Variants in CDH4 observed in about 807,000 individuals in gnomAD.
The protein encoded by CDH4 is cadherin 4, also known as cadherin-4.
Under a neutral mutation model 86.0 loss-of-function variants are expected in CDH4, and 33 were observed. The observed-to-expected ratio is 0.38, with a 90% CI of 0.29 to 0.51. The LOEUF (loss-of-function observed/expected upper bound fraction) is 0.51, where lower values mean the gene tolerates loss of function less well. Among genes scored for constraint, CDH4 ranks in the 20% least tolerant of loss-of-function variants. The pLI, the probability that CDH4 is intolerant of heterozygous loss-of-function variation, is 0.86. For missense variants in CDH4, 1,114 were observed against 1,307.4 expected, an observed-to-expected ratio of 0.85 and a Z score of 2.28; for synonymous variants, 555 against 549.4, an observed-to-expected ratio of 1.01 and a Z score of -0.14.
chr20:61,932,095 C>T (rs1366496555), intron 13 of CDH4, among the ~76,000 whole-genome samples: 2 of 152,144 alleles, frequency 1.3e-5, no homozygotes, highest in Admixed American at 6.5e-5. Context: ...AGTCCATCTC[C>T]CTCTCTCAGT....
chr20:61,587,974 A>C (rs181416053), intron 2 of CDH4, among the ~76,000 whole-genome samples: 1 of 152,292 alleles, frequency 6.6e-6, no homozygotes, highest in East Asian at 1.9e-4. Context: ...CTGTGTGGCT[A>C]AAAATGTCTG....
intron 2 of CDH4, among the ~76,000 whole-genome samples, chr20:61,429,764 T>C (rs2085235371): frequency 2.0e-5 from 3 of 149,778 alleles, no homozygotes; most frequent in Admixed American, 2.0e-4. Flanking sequence ...TGTGGATGGA[T>C]GGATGGATGG....
chr20:61,917,622 C>G (rs1469188184), intron 9 of CDH4, among the ~76,000 whole-genome samples: 1 of 152,208 alleles, frequency 6.6e-6, no homozygotes, highest in African/African-American at 2.4e-5. Flanking sequence ...GCAGGGCAGA[C>G]GTCCTGGTGT....
chr20:61,257,249 C>A (rs1044359763), intron 2 of CDH4, among the ~76,000 whole-genome samples: 6 of 152,214 alleles, frequency 3.9e-5, no homozygotes, highest in African/African-American at 1.4e-4. Context: ...CAGCTCACAG[C>A]AGCCCCAAAC....
intron 2 of CDH4, among the ~76,000 whole-genome samples, chr20:61,286,201 G>C (rs1226279925): frequency 1.3e-5 from 2 of 152,234 alleles, no homozygotes; most frequent in South Asian, 2.1e-4. Context: ...CAGACTCCCA[G>C]ATCTGGCCCC....
In CDH4 at chr20:61,392,202, A is replaced by AGT. The variant is rs1272512764; in HGVS notation, c.169+137269_169+137270dup. Among the ~76,000 whole-genome samples the AGT allele has an allele frequency of 6.6e-6, 1 of 151,710 alleles. No individual in the cohort carries two copies. Among genetic ancestry groups the AGT allele is most frequent in the East Asian group, 2.0e-4 (1 of 5,114 alleles). ...GGACTCCTCCAGTGGTTTAACGTGC[A>AGT]GTGTGAGTGGCCTTAACACGGGACC... On this transcript the variant is annotated intron_variant, in intron 2 of 15. Transcript: ENST00000614565. This position sits in a 1 kb window ranked among gnomAD's most constrained non-coding sequence, Gnocchi z 5.7.
chr20:61,923,636 G>A lies in CDH4; in HGVS notation c.1560G>A (p.Val520=), dbSNP rs1340123084. ...NHKLIRLEEG[V]PPGTVLTTFS... is the part of the protein sequence containing the mutation. ...AGCTGATCCGCCTGGAGGAGGGCGT[G>A]CCCCCCGGCACCGTGCTGACCACGT... is the stretch of plus-strand genomic sequence containing the variant. Residue 520 remains valine (V), a synonymous_variant, in exon 10 of 16, where the codon GTG becomes GTA. Coordinates refer to ENST00000614565, the MANE Select transcript of CDH4 (RefSeq NM_001794.5). 3.1e-6 allele frequency: 5 copies of A among 1,614,082 alleles called. No homozygotes were observed. Among genetic ancestry groups the A allele is most frequent in the African/African-American group, 2.7e-5 (2 of 75,044 alleles).
chr20:61,595,792 G>T (rs1345203259), intron 2 of CDH4, among the ~76,000 whole-genome samples: 2 of 152,166 alleles, frequency 1.3e-5, no homozygotes, highest in African/African-American at 4.8e-5. Flanking sequence ...ACTACATTTT[G>T]GGAGCACGTG....
At chr20:61,379,162 T>C (rs1301924824) in intron 2 of CDH4, among the ~76,000 whole-genome samples, 1 of 152,120 alleles carries the variant, frequency 6.6e-6, no homozygotes, top group Non-Finnish European at 1.5e-5. Context: ...GTGTAATTCC[T>C]CTTAACAGAC....
intron 2 of CDH4, among the ~76,000 whole-genome samples, chr20:61,444,200 CTG>C (rs1408023753): frequency 2.2e-5 from 1 of 45,952 alleles, no homozygotes; most frequent in Non-Finnish European, 5.1e-5. Context: ...ATGTGGGTGT[CTG>C]TGTATCTGTA....
chr20:61,835,930 C>T (rs1981851187), intron 4 of CDH4, among the ~76,000 whole-genome samples: 1 of 152,204 alleles, frequency 6.6e-6, no homozygotes, highest in Non-Finnish European at 1.5e-5. Context: ...CACCTGCAAA[C>T]TCCGACTGTC....
At position 61,684,690 on chromosome 20, in the gene CDH4, G is replaced by A. The variant is rs1428867212; in HGVS notation, c.170-58873G>A. 4.6e-5 allele frequency among the ~76,000 whole-genome samples: 7 copies of A among 151,988 alleles called. No individual in the cohort carries two copies. Among genetic ancestry groups the A allele is most frequent in the African/African-American group, 7.3e-5 (3 of 41,362 alleles). On this transcript the variant is annotated intron_variant, in intron 2 of 15. Transcript: ENST00000614565. The surrounding 1 kb of genome is among the most constrained non-coding windows in gnomAD (Gnocchi z 4.5). The stretch of plus-strand genomic sequence containing the variant: ...TCAAAGTCTTACAAACCATCTTAGC[G>A]TTTTTGTGCAAACAGCTCCCAATCC...
In CDH4 at chr20:61,603,630, AC is replaced by A. The variant is rs1278279121; in HGVS notation, c.170-139929del. Among the ~76,000 whole-genome samples the A allele has an allele frequency of 2.6e-5, 4 of 152,206 alleles. No individual in the cohort carries two copies. In the East Asian group the frequency reaches 7.8e-4, roughly 30 times the overall value. On this transcript the variant is annotated intron_variant, in intron 2 of 15. Transcript: ENST00000614565. ...CCATTGTCCCCTTCACTCCATGCCC[AC>A]CCCGTCTGCCCAGGGCAGGCTCTCA...
At chr20:61,724,333 C>G (rs777404350) in intron 2 of CDH4, among the ~76,000 whole-genome samples, 56 of 152,204 alleles carry the variant, frequency 3.7e-4, no homozygotes, top group Non-Finnish European at 7.5e-4. Context: ...TAGCCAGCGC[C>G]TGTGTTGTAG....
intron 2 of CDH4, among the ~76,000 whole-genome samples, chr20:61,353,641 T>C (rs1347292865): frequency 7.1e-4 from 2 of 2,822 alleles, no homozygotes; most frequent in Non-Finnish European, 6.1e-4. Flanking sequence ...CCTCCTCCTC[T>C]TCCCCCTCCT....
chr20:61,300,448 G>A (rs573040823), intron 2 of CDH4, among the ~76,000 whole-genome samples: 1 of 152,090 alleles, frequency 6.6e-6, no homozygotes, highest in Non-Finnish European at 1.5e-5. Flanking sequence ...GCAGCCAGGC[G>A]GCCTCTGGGT....
At chr20:61,903,781 C>T (rs2054755584) in intron 8 of CDH4, among the ~76,000 whole-genome samples, 3 of 152,128 alleles carry the variant, frequency 2.0e-5, no homozygotes, top group African/African-American at 7.2e-5. Context: ...GGCAGGTTGC[C>T]TCCTGGAGCC....
rs2084065607 is a variant in CDH4 at position 61,252,438 on chromosome 20, G to A, written c.-76G>A. ...CGGCGGCGATCGGAGCGGCGGCGGT[G>A]GTCTCGGCGGCGGCGGCGGCGGCGG... On this transcript the variant is annotated 5_prime_UTR_variant, in exon 1 of 16. Coordinates refer to ENST00000614565, the MANE Select transcript of CDH4 (RefSeq NM_001794.5). The surrounding 1 kb of genome is among the most constrained non-coding windows in gnomAD (Gnocchi z 4.4). The A allele has an allele frequency of 4.5e-6, 3 of 664,980 alleles. No individual in the cohort carries two copies. Among genetic ancestry groups the A allele is most frequent in the Non-Finnish European group, 5.5e-6 (3 of 544,696 alleles). The allele number at this position is 664,980 out of a possible 1,614,324, so 41.2% of individuals were successfully genotyped here. A position where few individuals can be genotyped will look rare whatever the true frequency, so the allele number is the denominator to read the frequency against.
chr20:61,361,532 G>A (rs1229629892), intron 2 of CDH4, among the ~76,000 whole-genome samples: 2 of 152,166 alleles, frequency 1.3e-5, no homozygotes, highest in African/African-American at 4.8e-5. Context: ...CTTCTAATCT[G>A]CAGAGCATCT....
Sources: allele counts gnomAD v4.1 joint callset (sites outside exome capture counted in the v4.1 genomes callset), GRCh38; gene constraint gnomAD v4.1.1; non-coding constraint Gnocchi (gnomAD v3.1); transcripts MANE v1.5; gene names NCBI Gene and HGNC (gene_info 2026-07-23, HGNC 2026-07-21).